The following FYN variants were observed in gnomAD, a reference collection of about 807,000 sequenced individuals.
FYN encodes the protein tyrosine-protein kinase Fyn.
In FYN, 10 loss-of-function variants were observed where a neutral mutation model predicts 70.2. The observed-to-expected ratio is 0.14, with a 90% confidence interval of 0.09 to 0.24. FYN has a LOEUF of 0.24. Ranked by LOEUF, FYN falls within the 10% of genes least tolerant of loss-of-function variation. FYN has a pLI of 1.00. For synonymous variants in FYN, 236 were observed against 248.6 expected, an observed-to-expected ratio of 0.95 and a Z score of 0.48; for missense variants, 319 against 673.1, an observed-to-expected ratio of 0.47 and a Z score of 5.82.
chr6:111,751,870 C>T (rs761494552), intron 3 of FYN, among the ~76,000 whole-genome samples: 10 of 152,132 alleles, frequency 6.6e-5, no homozygotes, highest in Non-Finnish European at 1.2e-4. Flanking sequence ...CCTCTTGCCT[C>T]GGCCTCTCAA....
At chr6:111,688,210 A>T (rs979021140) in intron 12 of FYN, among the ~76,000 whole-genome samples, 6 of 152,236 alleles carry the variant, frequency 3.9e-5, no homozygotes, top group African/African-American at 7.2e-5. Context: ...GGTGAGGCTC[A>T]GAGGGGCCAG....
chr6:111,793,902 G>A (rs1771718975), intron 2 of FYN: 1 of 151,852 alleles, frequency 6.6e-6, no homozygotes, highest in Non-Finnish European at 1.5e-5. Context: ...CTCTGGGAGG[G>A]GAGGAGATCT....
At chr6:111,736,285 G>T (rs754174235) in intron 3 of FYN, among the ~76,000 whole-genome samples, 3 of 152,184 alleles carry the variant, frequency 2.0e-5, no homozygotes, top group Non-Finnish European at 4.4e-5. Context: ...TTACACTTCA[G>T]TTTTGCATAA....
At chr6:111,698,055 T>C (rs1799651058) in intron 9 of FYN, among the ~76,000 whole-genome samples, 1 of 152,226 alleles carries the variant, frequency 6.6e-6, no homozygotes. Context: ...CCACCTAACA[T>C]ACCTACATAC....
At chr6:111,712,726 T>TTATTGAAGGTA (rs1455931882) in intron 5 of FYN, among the ~76,000 whole-genome samples, 1 of 152,238 alleles carries the variant, frequency 6.6e-6, no homozygotes, top group African/African-American at 2.4e-5. Context: ...GAATGGTAGC[T>TTATTGAAGGTA]GTTTATTATT....
chr6:111,699,692 A>C (rs1197412043), intron 9 of FYN: 1 of 1,605,236 alleles, frequency 6.2e-7, no homozygotes. Flanking sequence ...GGAATTAATA[A>C]AGAAAACACA....
intron 1 of FYN, among the ~76,000 whole-genome samples, chr6:111,863,049 G>A (rs1774009442): frequency 6.6e-6 from 1 of 152,244 alleles, no homozygotes; most frequent in South Asian, 2.1e-4. Flanking sequence ...TGAAGGCCAG[G>A]CTAAGGAACC....
At chr6:111,770,897 C>T (rs771652577) in intron 3 of FYN, among the ~76,000 whole-genome samples, 2 of 152,118 alleles carry the variant, frequency 1.3e-5, no homozygotes, top group Admixed American at 6.5e-5. Context: ...CTCCCAACAC[C>T]GCCACAGTGG....
intron 3 of FYN, among the ~76,000 whole-genome samples, chr6:111,721,915 C>A (rs1740377): frequency 0.39 from 59,313 of 152,072 alleles, 16,402 homozygotes; most frequent in African/African-American, 0.78. Context: ...CAAAGAATCA[C>A]ATAAGAAACA....
intron 5 of FYN, among the ~76,000 whole-genome samples, chr6:111,708,675 G>A (rs1258414115): frequency 2.0e-5 from 3 of 152,172 alleles, no homozygotes; most frequent in Admixed American, 1.3e-4. Flanking sequence ...CAAATGTCCA[G>A]AGCACTGGCC....
chr6:111,862,928 T>C (rs1457243142), intron 1 of FYN, among the ~76,000 whole-genome samples: 1 of 152,162 alleles, frequency 6.6e-6, no homozygotes, highest in Non-Finnish European at 1.5e-5. Flanking sequence ...GCCGGAGCCA[T>C]ATTGCCAATT....
intron 2 of FYN, among the ~76,000 whole-genome samples, chr6:111,798,753 C>T (rs1314939991): frequency 2.0e-5 from 3 of 152,248 alleles, no homozygotes; most frequent in Admixed American, 6.5e-5. Flanking sequence ...TGACCCAGTT[C>T]GTGGCACTGT....
chr6:111,872,485 T>C (rs998368450), intron 1 of FYN, among the ~76,000 whole-genome samples: 6 of 136,432 alleles, frequency 4.4e-5, no homozygotes, highest in Non-Finnish European at 7.8e-5. Context: ...GGAGGATGGG[T>C]TGGAGAAGGC....
chr6:111,685,240 G>C (rs1382635608), intron 12 of FYN, among the ~76,000 whole-genome samples: 1 of 152,236 alleles, frequency 6.6e-6, no homozygotes, highest in Non-Finnish European at 1.5e-5. Context: ...GCCACCCCCA[G>C]AAGGGGCAGA....
At chr6:111,712,391 C>A (rs571708702) in intron 5 of FYN, among the ~76,000 whole-genome samples, 400 of 152,182 alleles carry the variant, frequency 2.6e-3, no homozygotes, top group Non-Finnish European at 4.5e-3. Flanking sequence ...GGAGGTATAC[C>A]CAGAGAGATC....
intron 3 of FYN, among the ~76,000 whole-genome samples, chr6:111,765,774 TA>T (rs35232125): frequency 0.55 from 78,342 of 142,058 alleles, 21,738 homozygotes; most frequent in East Asian, 0.86. Context: ...GACTAGAAAT[TA>T]AAAAAAAAAA....
At chr6:111,800,376 G>T (rs534904433) in intron 2 of FYN, among the ~76,000 whole-genome samples, 6 of 152,264 alleles carry the variant, frequency 3.9e-5, no homozygotes, top group African/African-American at 1.4e-4. Context: ...GAGAAACAAG[G>T]CTCTACAGCT....
At chr6:111,765,633 A>G (rs545589625) in intron 3 of FYN, among the ~76,000 whole-genome samples, 3 of 152,364 alleles carry the variant, frequency 2.0e-5, no homozygotes, top group South Asian at 4.1e-4. Flanking sequence ...AGACTTATTC[A>G]TAACACTTCA....
intron 13 of FYN, among the ~76,000 whole-genome samples, chr6:111,668,012 G>A (rs189395610): frequency 2.2e-4 from 33 of 152,334 alleles, no homozygotes; most frequent in Middle Eastern, 3.4e-3. Context: ...ATCACACAAC[G>A]TTGTGCATAA....
Sources: allele counts gnomAD v4.1 joint callset (sites outside exome capture counted in the v4.1 genomes callset), GRCh38; gene constraint gnomAD v4.1.1; transcripts MANE v1.5; gene names NCBI Gene and HGNC (gene_info 2026-07-23, HGNC 2026-07-21).